PCDHA10: variants seen among roughly 807,000 people sequenced by gnomAD.
PCDHA10 encodes protocadherin alpha-10.
Under a neutral mutation model 61.2 loss-of-function variants are expected in PCDHA10, and 45 were observed. The ratio of observed to expected loss-of-function variants is 0.74; its 90% CI spans 0.58 to 0.94. The LOEUF (loss-of-function observed/expected upper bound fraction) is 0.94. PCDHA10 is among the 40% of genes least tolerant of loss of function. PCDHA10 has a pLI of 0.00. For synonymous variants in PCDHA10, 602 were observed against 548.8 expected, an observed-to-expected ratio of 1.10 and a Z score of -1.35; for missense variants, 1,278 against 1,236.2, an observed-to-expected ratio of 1.03 and a Z score of -0.51.
chr5:140,941,939 T>C (rs2153657014), intron 1 of PCDHA10, among the ~76,000 whole-genome samples: 1 of 152,358 alleles, frequency 6.6e-6, no homozygotes, highest in African/African-American at 2.4e-5. Context: ...TTTGAATTAC[T>C]TTTGTTTTGA....
intron 1 of PCDHA10, among the ~76,000 whole-genome samples, chr5:140,906,179 C>G (rs2072430767): frequency 1.3e-5 from 2 of 152,172 alleles, no homozygotes; most frequent in African/African-American, 4.8e-5. Flanking sequence ...TACTTTGCAT[C>G]CTTCAATCCA....
In PCDHA10 at chr5:140,949,770, T is replaced by C. The variant is rs955982016; in HGVS notation, c.2389-29179T>C. On this transcript the variant is annotated intron_variant, in intron 1 of 3. Coordinates refer to ENST00000307360, the MANE Select transcript of PCDHA10 (RefSeq NM_018901.4). ...TTAGCCCATTCACATTAGTGTAATA[T>C]TTGATATGTTTAGATTTGTGTCCTT... Among the ~76,000 whole-genome samples, 3 of 152,026 alleles carry C rather than the reference T, an allele frequency of 2.0e-5. 1 individual carries two copies. The highest frequency in any genetic ancestry group is 6.8e-3 in the Middle Eastern group (2 of 294).
intron 1 of PCDHA10, among the ~76,000 whole-genome samples, chr5:140,958,318 CA>C (rs2095417948): frequency 6.6e-6 from 1 of 151,816 alleles, no homozygotes; most frequent in Non-Finnish European, 1.5e-5. Flanking sequence ...AATTAGAGCT[CA>C]AAAAATAAAT....
At chr5:140,909,087 T>G (rs2074309493) in intron 1 of PCDHA10, among the ~76,000 whole-genome samples, 1 of 152,234 alleles carries the variant, frequency 6.6e-6, no homozygotes, top group Admixed American at 6.5e-5. Flanking sequence ...TGTTTGCTAC[T>G]TCTCACTCAC....
At chr5:140,964,222 A>G (rs2095818106) in intron 1 of PCDHA10, among the ~76,000 whole-genome samples, 1 of 152,254 alleles carries the variant, frequency 6.6e-6, no homozygotes, top group African/African-American at 2.4e-5. Flanking sequence ...AATGTCTTTC[A>G]AAATGAGGCT....
At chr5:141,001,975 G>C (rs900969211) in intron 3 of PCDHA10, among the ~76,000 whole-genome samples, 8 of 152,184 alleles carry the variant, frequency 5.3e-5, no homozygotes, top group African/African-American at 1.9e-4. Flanking sequence ...GTCTCTGCGC[G>C]GAAAGCCTGG....
At chr5:140,876,532 T>C in intron 1 of PCDHA10, 4 of 1,614,158 alleles carry the variant, frequency 2.5e-6, no homozygotes, top group Middle Eastern at 1.6e-4. Context: ...AATGGTTACT[T>C]CACTGTCGCT....
chr5:140,938,973 G>A (rs112209995), intron 1 of PCDHA10, among the ~76,000 whole-genome samples: 3 of 152,224 alleles, frequency 2.0e-5, no homozygotes, highest in East Asian at 1.9e-4. Context: ...TTGGCATCAA[G>A]GCTATCCTGG....
At chr5:140,995,025 C>A (rs1304675289) in intron 3 of PCDHA10, among the ~76,000 whole-genome samples, 1 of 152,146 alleles carries the variant, frequency 6.6e-6, no homozygotes, top group Non-Finnish European at 1.5e-5. Context: ...AAAGAAGATT[C>A]TTTTAAGTTT....
intron 1 of PCDHA10, among the ~76,000 whole-genome samples, chr5:140,879,490 C>T (rs2058010245): frequency 2.0e-5 from 3 of 152,090 alleles, no homozygotes; most frequent in Admixed American, 2.0e-4. Flanking sequence ...AAATATGGGT[C>T]TGGATCTCAG....
At chr5:140,923,264 C>T (rs2081280629) in intron 1 of PCDHA10, among the ~76,000 whole-genome samples, 1 of 152,170 alleles carries the variant, frequency 6.6e-6, no homozygotes, top group Admixed American at 6.5e-5. Flanking sequence ...CATAGTGAGA[C>T]CTTGTCTCTA....
chr5:140,890,879 A>C (rs1448155644), intron 1 of PCDHA10, among the ~76,000 whole-genome samples: 2 of 152,112 alleles, frequency 1.3e-5, no homozygotes, highest in Non-Finnish European at 2.9e-5. Flanking sequence ...CTGACCTTTC[A>C]TCAGGGATTA....
At chr5:140,899,714 T>C (rs1554188719) in intron 1 of PCDHA10, among the ~76,000 whole-genome samples, 1 of 152,242 alleles carries the variant, frequency 6.6e-6, no homozygotes, top group African/African-American at 2.4e-5. Context: ...TAGGGAGGAT[T>C]CCCTCTTTTT....
rs1554164208 is a variant in PCDHA10 at position 140,870,406 on chromosome 5, T to G, written c.2388+11970T>G. ...GCGGGATGGGGGTTCGCCTTCTCTG[T>G]GGGCCACGGCCAGGGTATCCGTGGA... On this transcript the variant is annotated intron_variant, in intron 1 of 3. Transcript: ENST00000307360. 1.2e-5 allele frequency: 20 copies of G among 1,614,192 alleles called. No individual in the cohort carries two copies. The highest frequency in any genetic ancestry group is 1.5e-5 in the Non-Finnish European group (18 of 1,180,034).
chr5:140,875,889 G>C, intron 1 of PCDHA10: 1 of 1,614,174 alleles, frequency 6.2e-7, no homozygotes, highest in South Asian at 1.1e-5. Context: ...GGGAACAAAA[G>C]GTACCTGTTT....
intron 1 of PCDHA10, chr5:140,877,772 C>T (rs372461540): frequency 9.3e-6 from 15 of 1,614,150 alleles, no homozygotes; most frequent in Non-Finnish European, 1.2e-5. Context: ...CCGCCCAAGA[C>T]GGACCTCATG....
chr5:140,967,508 C>G (rs2096150874), intron 1 of PCDHA10: 2 of 1,612,712 alleles, frequency 1.2e-6, no homozygotes, highest in Non-Finnish European at 1.7e-6. Flanking sequence ...TGTGCGTGTC[C>G]TGGACACTAA....
intron 3 of PCDHA10, among the ~76,000 whole-genome samples, chr5:141,003,397 C>T (rs370088269): frequency 2.0e-5 from 3 of 152,086 alleles, no homozygotes; most frequent in African/African-American, 4.8e-5. Flanking sequence ...CTGAAACCTC[C>T]GCCTCCCGGG....
intron 1 of PCDHA10, among the ~76,000 whole-genome samples, chr5:140,942,466 A>G (rs1269455545): frequency 2.0e-5 from 3 of 152,266 alleles, no homozygotes; most frequent in African/African-American, 7.2e-5. Flanking sequence ...TAATACAATC[A>G]AATTCAAGCT....
Sources: gnomAD v4.1 joint callset for allele counts (sites outside exome capture counted in the v4.1 genomes callset) on GRCh38, gnomAD v4.1.1 for gene constraint, MANE v1.5 for transcripts, NCBI Gene and HGNC (gene_info 2026-07-23, HGNC 2026-07-21) for gene names.